DOCK8: variants seen among roughly 807,000 people sequenced by gnomAD.
DOCK8 encodes dedicator of cytokinesis protein 8.
In DOCK8, 141 loss-of-function variants were observed where a neutral mutation model predicts 245.6. That is an observed-to-expected ratio of 0.57 (90% CI 0.50 to 0.66). The LOEUF (loss-of-function observed/expected upper bound fraction) is 0.66. Among genes scored for constraint, DOCK8 ranks in the 30% least tolerant of loss-of-function variants. DOCK8 has a pLI of 0.00. For missense variants in DOCK8, 2,965 were observed against 2,603.4 expected, an observed-to-expected ratio of 1.14 and a Z score of -3.02; for synonymous variants, 1,168 against 970.2, an observed-to-expected ratio of 1.20 and a Z score of -3.79.
At chr9:241,738 A>G (rs545170028) in intron 1 of DOCK8, among the ~76,000 whole-genome samples, 18 of 152,328 alleles carry the variant, frequency 1.2e-4, no homozygotes, top group African/African-American at 4.3e-4. Context: ...ATAAATTCCC[A>G]GGAGTGGGAT....
At chr9:285,873 C>CA (rs1459060000) in intron 2 of DOCK8, among the ~76,000 whole-genome samples, 1 of 152,146 alleles carries the variant, frequency 6.6e-6, no homozygotes, top group Admixed American at 6.5e-5. Flanking sequence ...AGACCAGCAC[C>CA]AGTCGCCCCA....
At chr9:411,940 AACTTG>A (rs2055751047) in intron 28 of DOCK8, among the ~76,000 whole-genome samples, 2 of 152,228 alleles carry the variant, frequency 1.3e-5, no homozygotes, top group Admixed American at 6.5e-5. Context: ...GAACTTCCTC[AACTTG>A]ACTTAAGGGC....
chr9:412,141 G>A (rs899382424), intron 28 of DOCK8, among the ~76,000 whole-genome samples: 1 of 152,004 alleles, frequency 6.6e-6, no homozygotes, highest in African/African-American at 2.4e-5. Flanking sequence ...GGTGGCTCAC[G>A]CCTGTAATCC....
In DOCK8 at chr9:368,103, A is replaced by T. The variant is rs1021548656; in HGVS notation, c.1765A>T (p.Met589Leu). ...ARNITIKIQF[M>L]CGEDASNAMP... is the part of the protein sequence containing the mutation. The stretch of plus-strand genomic sequence containing the variant: ...GAACATTACAATAAAGATCCAGTTT[A>T]TGTGTGGAGAAGATGCTAGCAATGC... Residue 589 changes from methionine to leucine, a missense_variant, in exon 15 of 48, where the codon ATG becomes TTG. By Grantham distance (15) the Met-to-Leu change is conservative (BLOSUM62 2). Around this residue, in one of 3 missense-constraint regions of DOCK8, gnomAD observed 2,825 missense variants for 2,453.5 expected, o/e 1.15. Transcript: ENST00000432829. 8 of 1,614,194 alleles carry T rather than the reference A, an allele frequency of 5.0e-6. No homozygotes were observed. The highest frequency in any genetic ancestry group is 5.9e-6 in the Non-Finnish European group (7 of 1,180,012).
Position 341,092 on chromosome 9 carries a change from T to C in DOCK8, c.1679+771T>C, listed in dbSNP as rs373844971. Among the ~76,000 whole-genome samples the C allele has an allele frequency of 6.3e-4, 96 of 152,368 alleles. 2 individuals carry two copies. In the South Asian group the frequency reaches 0.019, roughly 30 times the overall value. The stretch of plus-strand genomic sequence containing the variant: ...TACAGCAATAACAGAAAGTTCTGTA[T>C]GTGTGCCAGCAGTACAATAGCCACT... On this transcript the variant is annotated intron_variant, in intron 14 of 47. Transcript: ENST00000432829.
intron 1 of DOCK8, among the ~76,000 whole-genome samples, chr9:223,104 A>G (rs1313932542): frequency 1.3e-5 from 2 of 152,060 alleles, no homozygotes; most frequent in African/African-American, 4.8e-5. Flanking sequence ...AGTTAGTACC[A>G]CTCTGCTCAG....
At chr9:448,462 T>C (rs2057332437) in intron 44 of DOCK8, among the ~76,000 whole-genome samples, 1 of 152,208 alleles carries the variant, frequency 6.6e-6, no homozygotes, top group African/African-American at 2.4e-5. Flanking sequence ...AGTTCTCAGC[T>C]GTTTGCTAGG....
chr9:214,844 C>T (rs147145660), upstream of DOCK8: 422 of 1,601,192 alleles, frequency 2.6e-4, 4 homozygotes, highest in Non-Finnish European at 5.0e-5. Context: ...GGTGGAAATG[C>T]GGAAGTTTCC....
At position 441,952 on chromosome 9, in the gene DOCK8, G is replaced by A. The variant is rs1887957; in HGVS notation, c.5433G>A (p.Glu1811=). 1,312,246 of 1,613,816 alleles carry A rather than the reference G, an allele frequency of 0.81. 536,424 individuals carry two copies. Among genetic ancestry groups the A allele is most frequent in the East Asian group, 1 (44,729 of 44,858 alleles). ...AATTTGGGGATTTGGATGAACAGGA[G>A]TTTGTCTACAAAGAGCCTGCAATTA... The part of the protein sequence containing the change: ...GSKFGDLDEQ[E]FVYKEPAITK... The change falls in exon 42 of 48, where the codon GAG becomes GAA. Residue 1811 remains glutamate, a synonymous_variant. Transcript: ENST00000432829.
At chr9:463,884 C>G (rs187993023) in intron 47 of DOCK8, among the ~76,000 whole-genome samples, 197 bp downstream of exon 47, 4 of 152,286 alleles carry the variant, frequency 2.6e-5, no homozygotes, top group Admixed American at 2.0e-4. Context: ...CTTGACCTCT[C>G]CCAGACACCT....
At chr9:365,596 T>C (rs1413500849) in intron 14 of DOCK8, 1 of 455,244 alleles carries the variant, frequency 2.2e-6, no homozygotes, top group African/African-American at 2.0e-5. Context: ...TTCAGAGAAG[T>C]CTTCCAGGTT....
chr9:400,687 C>A (rs1220191183), intron 26 of DOCK8, among the ~76,000 whole-genome samples: 9 of 129,168 alleles, frequency 7.0e-5, no homozygotes, highest in Admixed American at 1.5e-4. Context: ...CCATCACCAC[C>A]ACCTCCACCA....
intron 32 of DOCK8, 93 bp downstream of exon 32, chr9:421,171 CT>C: frequency 6.5e-7 from 1 of 1,534,770 alleles, no homozygotes; most frequent in East Asian, 2.2e-5. Context: ...GACACCATTA[CT>C]TTCTTGAGAT....
chr9:247,079 G>C (rs1267710678), intron 1 of DOCK8, among the ~76,000 whole-genome samples: 1 of 152,116 alleles, frequency 6.6e-6, no homozygotes, highest in Non-Finnish European at 1.5e-5. Context: ...AGGGAATATT[G>C]AGTATTTAAA....
chr9:223,500 C>T (rs1020160301), intron 1 of DOCK8, among the ~76,000 whole-genome samples: 2 of 152,102 alleles, frequency 1.3e-5, no homozygotes, highest in Non-Finnish European at 2.9e-5. Context: ...AAGTATTCCT[C>T]TCTGGGGTCA....
At chr9:339,583 C>T (rs1460169513) in intron 13 of DOCK8, among the ~76,000 whole-genome samples, 1 of 152,146 alleles carries the variant, frequency 6.6e-6, no homozygotes, top group African/African-American at 2.4e-5. Flanking sequence ...GGCACAATCT[C>T]AGCTCACTGC....
Position 289,568 on chromosome 9 carries a change from A to C in DOCK8, c.391A>C (p.Ile131Leu). 6.2e-7 allele frequency: 1 copy of C among 1,611,354 alleles called. No homozygotes were observed. Among genetic ancestry groups the C allele is most frequent in the Non-Finnish European group, 8.5e-7 (1 of 1,178,672 alleles). Residue 131 changes from isoleucine (I) to leucine (L), a missense_variant, in exon 4 of 48, where the codon ATC (isoleucine) becomes CTC (leucine). Ile to Leu is a conservative substitution (Grantham distance 5). Coordinates refer to ENST00000432829, the MANE Select transcript of DOCK8 (RefSeq NM_203447.4). Reference protein sequence around the residue: ...CVQTYIREWLIVNRKNQGSPE... With the variant: ...CVQTYIREWLLVNRKNQGSPE... Reference sequence around the variant, plus strand: ...TCAGACCTACATCCGTGAGTGGCTAATCGTGAACCGGAAGTAAGTTACTTT... The same window carrying C: ...TCAGACCTACATCCGTGAGTGGCTACTCGTGAACCGGAAGTAAGTTACTTT...
intron 6 of DOCK8, chr9:312,935 G>T (rs1446604438): frequency 2.0e-5 from 3 of 153,040 alleles, no homozygotes; most frequent in African/African-American, 7.3e-5. Context: ...TGAAAGTTCA[G>T]TTGGAAGAAA....
intron 19 of DOCK8, among the ~76,000 whole-genome samples, 186 bp from the exon 20 acceptor site, chr9:376,791 A>G (rs1182344656): frequency 6.6e-6 from 1 of 152,224 alleles, no homozygotes; most frequent in Non-Finnish European, 1.5e-5. Flanking sequence ...GAAACGTTCA[A>G]CTTCATGCAC....
Sources: allele counts gnomAD v4.1 joint callset (sites outside exome capture counted in the v4.1 genomes callset), GRCh38; gene constraint gnomAD v4.1.1; regional missense constraint gnomAD v4.1.1; transcripts MANE v1.5; gene names NCBI Gene and HGNC (gene_info 2026-07-23, HGNC 2026-07-21).